The following DENND1A variants were observed in gnomAD, a reference collection of about 807,000 sequenced individuals.
DENND1A encodes DENN domain-containing protein 1A.
In DENND1A, 51 loss-of-function variants were observed where a neutral mutation model predicts 113.7. That is an observed-to-expected ratio of 0.45 (90% confidence interval 0.36 to 0.57). The LOEUF (loss-of-function observed/expected upper bound fraction) is 0.57, where lower values mean the gene tolerates loss of function less well. Ranked by LOEUF, DENND1A falls within the 20% of genes least tolerant of loss-of-function variation. The pLI is 0.00. For missense variants in DENND1A, 1,258 were observed against 1,395.9 expected, an observed-to-expected ratio of 0.90 and a Z score of 1.57; for synonymous variants, 565 against 570.8, an observed-to-expected ratio of 0.99 and a Z score of 0.14.
intron 11 of DENND1A, among the ~76,000 whole-genome samples, chr9:123,608,265 G>A (rs1010784791): frequency 6.6e-6 from 1 of 152,104 alleles, no homozygotes; most frequent in African/African-American, 2.4e-5. Context: ...CAGGTTTTTC[G>A]ATAACCAACT....
intron 23 of DENND1A, 116 bp downstream of exon 23, chr9:123,383,539 G>A (rs748332281): frequency 1.1e-5 from 16 of 1,478,134 alleles, no homozygotes; most frequent in South Asian, 1.3e-5. Flanking sequence ...CATTGGCTGA[G>A]GGTCTTGGAA....
chr9:123,671,462 G>A, intron 6 of DENND1A, 91 bp from the exon 7 acceptor site: 1 of 1,248,958 alleles, frequency 8.0e-7, no homozygotes, highest in Non-Finnish European at 1.1e-6. Flanking sequence ...TGACTGAGGG[G>A]GCTGGGGAGA....
intron 2 of DENND1A, among the ~76,000 whole-genome samples, chr9:123,855,722 G>C (rs967976897): frequency 2.0e-5 from 3 of 152,174 alleles, no homozygotes; most frequent in African/African-American, 7.2e-5. Context: ...GGGGTTGGAA[G>C]GGATAAGACT....
At chr9:123,681,121 T>TG (rs779592481) in intron 5 of DENND1A, among the ~76,000 whole-genome samples, 12 of 151,560 alleles carry the variant, frequency 7.9e-5, no homozygotes, top group Non-Finnish European at 1.6e-4. Flanking sequence ...GGGAGTCTCA[T>TG]GGGGGAGGCC....
intron 2 of DENND1A, among the ~76,000 whole-genome samples, chr9:123,857,388 G>C (rs186805016): frequency 1.3e-5 from 2 of 152,168 alleles, no homozygotes; most frequent in Admixed American, 1.3e-4. Context: ...TAAGTCCAAA[G>C]TCAAATAAAC....
At chr9:123,513,496 G>A (rs929227704) in intron 13 of DENND1A, among the ~76,000 whole-genome samples, 8 of 152,288 alleles carry the variant, frequency 5.3e-5, no homozygotes, top group Admixed American at 1.3e-4. Context: ...AGTTGAGATC[G>A]GCACATCTTT....
At chr9:123,514,562 T>A (rs2134695004) in intron 13 of DENND1A, among the ~76,000 whole-genome samples, 1 of 152,206 alleles carries the variant, frequency 6.6e-6, no homozygotes, top group East Asian at 1.9e-4. Context: ...GACAGAAGCG[T>A]GGTTCCACAC....
chr9:123,449,856 G>C (rs780063901), intron 18 of DENND1A, among the ~76,000 whole-genome samples: 56 of 152,206 alleles, frequency 3.7e-4, no homozygotes, highest in Middle Eastern at 6.8e-3. Context: ...GGCTGGGAAG[G>C]GGGTGAGGGA....
chr9:123,850,148 G>C (rs571327771), intron 2 of DENND1A, among the ~76,000 whole-genome samples: 2 of 152,184 alleles, frequency 1.3e-5, no homozygotes, highest in Non-Finnish European at 2.9e-5. Flanking sequence ...AAAGGAGTTC[G>C]ACTGGGGGTA....
intron 5 of DENND1A, among the ~76,000 whole-genome samples, chr9:123,704,670 A>C (rs1338481927): frequency 5.3e-5 from 8 of 152,180 alleles, no homozygotes; most frequent in Non-Finnish European, 1.2e-4. Context: ...AAATAATCAG[A>C]AACAGAATAA....
chr9:123,457,810 G>T lies in DENND1A; in HGVS notation c.1081C>A (p.Leu361Met), dbSNP rs1323580988. 1.9e-6 allele frequency: 3 copies of T among 1,611,052 alleles called. No homozygotes were observed. In the South Asian group the frequency reaches 3.3e-5, roughly 18 times the overall value. The change falls in exon 14 of 24, where the codon CTG (leucine) becomes ATG (methionine). Residue 361 changes from leucine to methionine, a missense_variant. This residue lies in a region of DENND1A where 1,159 missense variants were observed against 1,231.7 expected (regional missense o/e 0.94). Coordinates refer to ENST00000394215, the MANE Select transcript of DENND1A (RefSeq NM_001352964.2). ...MRQFLQNATQ[L>M]QLFKQFIDGR... ...GGAGGCACCTGCTTGAAGAGCTGCA[G>T]CTGTGTGGCGTTCTGCAGGAACTGC... is the stretch of plus-strand genomic sequence containing the variant.
At chr9:123,502,146 G>A (rs1407767557) in intron 13 of DENND1A, among the ~76,000 whole-genome samples, 1 of 147,018 alleles carries the variant, frequency 6.8e-6, no homozygotes, top group Non-Finnish European at 1.5e-5. Context: ...TCTCCTGTTA[G>A]TTCTGTCCCT....
At chr9:123,704,134 A>C (rs1449939586) in intron 5 of DENND1A, among the ~76,000 whole-genome samples, 1 of 148,434 alleles carries the variant, frequency 6.7e-6, no homozygotes, top group Non-Finnish European at 1.5e-5. Flanking sequence ...AACACTCTAG[A>C]GGCCCGAAAA....
intron 2 of DENND1A, among the ~76,000 whole-genome samples, 171 bp downstream of exon 2, chr9:123,878,780 T>C (rs1013344028): frequency 6.6e-6 from 1 of 152,234 alleles, no homozygotes; most frequent in Non-Finnish European, 1.5e-5. Context: ...ATTCACTGTG[T>C]TTTCATTCTC....
chr9:123,884,997 G>GCA (rs57555620), intron 1 of DENND1A, among the ~76,000 whole-genome samples: 11,369 of 145,828 alleles, frequency 0.078, 436 homozygotes, highest in Non-Finnish European at 0.089. Flanking sequence ...GAGCGCGCGC[G>GCA]CACACACACA....
intron 5 of DENND1A, among the ~76,000 whole-genome samples, chr9:123,754,565 A>G (rs1203135007): frequency 1.3e-5 from 2 of 152,196 alleles, no homozygotes; most frequent in African/African-American, 2.4e-5. Flanking sequence ...CATTCTGTGT[A>G]TTAGATACAG....
At chr9:123,467,352 C>A (rs1022018856) in intron 13 of DENND1A, among the ~76,000 whole-genome samples, 1 of 152,038 alleles carries the variant, frequency 6.6e-6, no homozygotes, top group African/African-American at 2.4e-5. Context: ...CTCTACTGTC[C>A]CATTTATAAA....
Position 123,400,027 on chromosome 9 carries a change from G to A in DENND1A, c.1631+3375C>T, listed in dbSNP as rs190609052. ...TCTCATGCAGGATCCCTCCTACCCC[G>A]ATCCCTGCCCCACGGAAGCCCCTGG... On this transcript the variant is annotated intron_variant, in intron 21 of 23. Coordinates refer to ENST00000394215, the MANE Select transcript of DENND1A (RefSeq NM_001352964.2). The A allele has an allele frequency of 9.2e-3, 1,398 of 152,306 alleles. 15 individuals are homozygous for A. The highest frequency in any genetic ancestry group is 0.012 in the Non-Finnish European group (803 of 68,040). 9.4% of individuals were successfully genotyped at this position (152,306 alleles called of 1,614,324 possible).
At chr9:123,533,358 C>T (rs1004918260) in intron 13 of DENND1A, among the ~76,000 whole-genome samples, 5 of 152,168 alleles carry the variant, frequency 3.3e-5, no homozygotes, top group Admixed American at 3.3e-4. Context: ...ATTCATTCGC[C>T]CACTCTCTTT....
Sources: gnomAD v4.1 joint callset for allele counts (sites outside exome capture counted in the v4.1 genomes callset) on GRCh38, gnomAD v4.1.1 for gene constraint, gnomAD v4.1.1 regional missense constraint, MANE v1.5 for transcripts, NCBI Gene and HGNC (gene_info 2026-07-23, HGNC 2026-07-21) for gene names.